CABP1: variants seen among roughly 807,000 people sequenced by gnomAD.
CABP1 encodes calcium binding protein 1, also known as calcium-binding protein 1.
Under a neutral mutation model 34.3 loss-of-function variants are expected in CABP1, and 17 were observed. That is an observed-to-expected ratio of 0.50 (90% CI 0.34 to 0.74). CABP1 has a LOEUF of 0.74. Among genes scored for constraint, CABP1 ranks in the 30% least tolerant of loss-of-function variants. The probability of loss-of-function intolerance (pLI) is 0.01; values close to 1 mark genes in which losing one functional copy is unlikely to be tolerated. For synonymous variants in CABP1, 198 were observed against 229.2 expected, an observed-to-expected ratio of 0.86 and a Z score of 1.23; for missense variants, 373 against 511.1, an observed-to-expected ratio of 0.73 and a Z score of 2.61.
chr12:120,650,432 C>T, intron 1 of CABP1: 1 of 1,257,320 alleles, frequency 8.0e-7, no homozygotes, highest in African/African-American at 1.6e-5. Context: ...CACAATCCAC[C>T]CAAAAAAAAA....
chr12:120,650,764 G>T (rs1879794336), intron 1 of CABP1: 1 of 1,433,904 alleles, frequency 7.0e-7, no homozygotes. Context: ...GCACAGAAAG[G>T]GTGGCTGGAG....
At chr12:120,650,193 A>T (rs775224477) in intron 1 of CABP1, 27 of 162,514 alleles carry the variant, frequency 1.7e-4, no homozygotes, top group Non-Finnish European at 3.2e-4. Context: ...CCCTGAGGCC[A>T]TCTCCCTGCA....
rs540830191 is a variant in CABP1, at chr12:120,661,355, C to T, written c.1087+137C>T. 58 of 882,090 alleles carry T rather than the reference C, an allele frequency of 6.6e-5. 1 individual carries two copies. Among genetic ancestry groups the T allele is most frequent in the African/African-American group, 3.5e-4 (21 of 59,186 alleles). 54.6% of individuals were successfully genotyped at this position (882,090 alleles called of 1,614,324 possible). A position where few individuals can be genotyped will look rare whatever the true frequency, so the allele number is the denominator to read the frequency against. On this transcript the variant is annotated intron_variant, in intron 5 of 5. Coordinates refer to ENST00000316803, the MANE Select transcript of CABP1 (RefSeq NM_001033677.2). The surrounding 1 kb of genome is among the most constrained non-coding windows in gnomAD (Gnocchi z 5.1). ...CAGCCCTTTCATCCTCTTATCCCTC[C>T]GTCCATGCCCCCGTCTAATCCATCT...
chr12:120,661,256 C>CA lies in CABP1; in HGVS notation c.1087+39dup. 1 of 1,589,284 alleles carries CA rather than the reference C, an allele frequency of 6.3e-7. No homozygotes were observed. The highest frequency in any genetic ancestry group is 8.5e-7 in the Non-Finnish European group (1 of 1,174,368). ...TGAAAGTGGGAGAGAAGCAAGCCAGCAGTGGCCATCCATGGAGCCCTCCAA... is the reference window on the plus strand; with the variant it reads ...TGAAAGTGGGAGAGAAGCAAGCCAGCAAGTGGCCATCCATGGAGCCCTCCAA... On this transcript the variant is annotated intron_variant, in intron 5 of 5. Transcript: ENST00000316803. This position sits in a 1 kb window ranked among gnomAD's most constrained non-coding sequence, Gnocchi z 5.1.
the CABP1 span, among the ~76,000 whole-genome samples, chr12:120,676,472 G>C: frequency 2.0e-5 from 3 of 151,908 alleles, no homozygotes; most frequent in African/African-American, 7.3e-5. Context: ...TTGTTGCCCA[G>C]GCTGGAGCAT....
At chr12:120,664,766 C>A (rs1880858695) in intron 5 of CABP1, among the ~76,000 whole-genome samples, 1 of 151,698 alleles carries the variant, frequency 6.6e-6, no homozygotes, top group South Asian at 2.1e-4. Context: ...AATCCCAGCA[C>A]TTGGGAGGCT....
At chr12:120,655,439 A>T in intron 1 of CABP1, 1 of 690,354 alleles carries the variant, frequency 1.4e-6, no homozygotes, top group Non-Finnish European at 1.8e-6. Context: ...ACACACGAAA[A>T]AGGAGGGGGC....
At position 120,655,941 on chromosome 12, in the gene CABP1, T is replaced by G. The variant is rs539208630; in HGVS notation, c.655-3937T>G. 137 of 1,539,048 alleles carry G rather than the reference T, an allele frequency of 8.9e-5. No homozygotes were observed. In the African/African-American group the frequency reaches 1.5e-3, roughly 17 times the overall value. ...TGGAGACTCTGTCTGTTGGACCAAT[T>G]TGATGCCTGTGCACGCTCAGGGCTC... On this transcript the variant is annotated intron_variant, in intron 1 of 5. Coordinates refer to ENST00000316803, the MANE Select transcript of CABP1 (RefSeq NM_001033677.2).
At position 120,641,465 on chromosome 12, in the gene CABP1, CG is replaced by C; in HGVS notation, c.654+127del. On this transcript the variant is annotated intron_variant, in intron 1 of 5. Coordinates refer to ENST00000316803, the MANE Select transcript of CABP1 (RefSeq NM_001033677.2). This position sits in a 1 kb window ranked among gnomAD's most constrained non-coding sequence, Gnocchi z 6.7. The stretch of plus-strand genomic sequence containing the variant: ...CCACGGATCACGCCTCGGCTCACCT[CG>C]TCCTCCCCGGGCCGGCGCCCTTGCC... 1 of 1,062,954 alleles carries C rather than the reference CG, an allele frequency of 9.4e-7. No individual in the cohort carries two copies. Among genetic ancestry groups the C allele is most frequent in the Non-Finnish European group, 1.2e-6 (1 of 834,790 alleles). The allele number at this position is 1,062,954 out of a possible 1,614,324, so 65.8% of individuals were successfully genotyped here.
the CABP1 span, among the ~76,000 whole-genome samples, chr12:120,679,997 C>A: frequency 3.1e-4 from 47 of 152,096 alleles, no homozygotes; most frequent in Non-Finnish European, 8.8e-5. Flanking sequence ...CATGGTGAAA[C>A]CCCATCTCTA....
chr12:120,667,112 CGAG>C lies in CABP1; in HGVS notation c.*217_*219del, dbSNP rs1261356881. ...ACTGGAAAGCGGGGGCGCCCGCCGA[CGAG>C]GAGGCCACCGTGCCAAGCCGGCAGA... On this transcript the variant is annotated 3_prime_UTR_variant, in exon 6 of 6. Coordinates refer to ENST00000316803, the MANE Select transcript of CABP1 (RefSeq NM_001033677.2). 1 of 607,214 alleles carries C rather than the reference CGAG, an allele frequency of 1.6e-6. No homozygotes were observed. The highest frequency in any genetic ancestry group is 2.0e-5 in the South Asian group (1 of 50,000). The allele number at this position is 607,214 out of a possible 1,614,324, so 37.6% of individuals were successfully genotyped here.
downstream of CABP1, among the ~76,000 whole-genome samples, chr12:120,667,633 C>T (rs1309584301): frequency 2.6e-5 from 4 of 152,030 alleles, no homozygotes; most frequent in African/African-American, 7.2e-5. Flanking sequence ...GGATTACAGG[C>T]GCCCGCCACC....
rs879226206 is a variant in CABP1 at position 120,666,786 on chromosome 12, G to A, written c.1088-89G>A. 6 of 1,390,656 alleles carry A rather than the reference G, an allele frequency of 4.3e-6. No individual in the cohort carries two copies. The South Asian group carries it at 7.4e-5, about 17-fold the overall frequency. 86.1% of individuals were successfully genotyped at this position (1,390,656 alleles called of 1,614,324 possible). A position where few individuals can be genotyped will look rare whatever the true frequency, so the allele number is the denominator to read the frequency against. ...GATGGGGGACCAGCACAGAGTTGGGGCAGTGGCAACAGGGTGGGGTCTGAA... is the reference window on the plus strand; with the variant it reads ...GATGGGGGACCAGCACAGAGTTGGGACAGTGGCAACAGGGTGGGGTCTGAA... On this transcript the variant is annotated intron_variant, in intron 5 of 5. Transcript: ENST00000316803.
chr12:120,680,391 C>T, the CABP1 span, among the ~76,000 whole-genome samples: 51 of 152,286 alleles, frequency 3.3e-4, no homozygotes, highest in African/African-American at 1.2e-3. Flanking sequence ...GTCTGACCCC[C>T]AAATCTTGGT....
chr12:120,680,097 C>T, the CABP1 span, among the ~76,000 whole-genome samples: 1 of 151,990 alleles, frequency 6.6e-6, no homozygotes, highest in South Asian at 2.1e-4. Context: ...TGCTTGAATC[C>T]GGGAGGCAGA....
chr12:120,679,404 G>C, the CABP1 span, among the ~76,000 whole-genome samples: 1 of 152,196 alleles, frequency 6.6e-6, no homozygotes, highest in African/African-American at 2.4e-5. Flanking sequence ...GCAAAAAAGG[G>C]AACATGACCT....
chr12:120,674,573 G>A, the CABP1 span, among the ~76,000 whole-genome samples: 1 of 152,150 alleles, frequency 6.6e-6, no homozygotes, highest in Non-Finnish European at 1.5e-5. Flanking sequence ...CATGATTGAG[G>A]GATGAGCTCT....
intron 1 of CABP1, among the ~76,000 whole-genome samples, chr12:120,656,734 A>G (rs988952886): frequency 8.5e-5 from 13 of 152,226 alleles, no homozygotes; most frequent in African/African-American, 2.9e-4. Context: ...CATCTCTACT[A>G]AAATACAAAA....
chr12:120,657,756 G>A (rs1880332336), intron 1 of CABP1, among the ~76,000 whole-genome samples: 1 of 152,192 alleles, frequency 6.6e-6, no homozygotes, highest in East Asian at 1.9e-4. Flanking sequence ...TGCTGCCCCC[G>A]GGGCTTTGGG....
Sources: gnomAD v4.1 joint callset for allele counts (sites outside exome capture counted in the v4.1 genomes callset) on GRCh38, gnomAD v4.1.1 for gene constraint, Gnocchi (gnomAD v3.1) non-coding constraint, MANE v1.5 for transcripts, NCBI Gene and HGNC (gene_info 2026-07-23, HGNC 2026-07-21) for gene names.